The following EYS variants were observed in gnomAD, a reference collection of about 807,000 sequenced individuals.
EYS encodes the protein protein eyes shut homolog.
A neutral mutation model predicts 282.1 loss-of-function variants in EYS; 250 were observed. The ratio of observed to expected loss-of-function variants is 0.89; its 90% CI spans 0.80 to 0.98. EYS has a LOEUF of 0.98. Ranked by LOEUF, EYS falls within the 50% of genes least tolerant of loss-of-function variation. EYS has a pLI of 0.00. For synonymous variants in EYS, 1,355 were observed against 1,282.9 expected (o/e 1.06, Z -1.20); for missense variants, 4,016 against 3,709.0 (o/e 1.08, Z -2.15).
intron 22 of EYS, among the ~76,000 whole-genome samples, chr6:64,686,460 G>T (rs1042442671): frequency 6.6e-6 from 1 of 151,464 alleles, no homozygotes; most frequent in Non-Finnish European, 1.5e-5. Flanking sequence ...GATTATAATA[G>T]GGTGAGCGCG....
intron 22 of EYS, among the ~76,000 whole-genome samples, chr6:64,682,005 ACACAGATAAGCCTCTCTGGG>A (rs1381103378): frequency 3.3e-5 from 5 of 152,180 alleles, no homozygotes; most frequent in African/African-American, 9.7e-5. Context: ...AAATGATAGA[ACACAGATAAGCCTCTCTGGG>A]CACAGAGGAG....
chr6:64,805,308 T>A (rs1764391058), intron 22 of EYS, among the ~76,000 whole-genome samples: 1 of 151,994 alleles, frequency 6.6e-6, no homozygotes, highest in Non-Finnish European at 1.5e-5. Context: ...AAACACTATT[T>A]GTGTTTGATA....
intron 31 of EYS, among the ~76,000 whole-genome samples, chr6:64,141,399 C>G (rs933206099): frequency 3.3e-5 from 5 of 152,168 alleles, no homozygotes; most frequent in African/African-American, 1.2e-4. Context: ...CTCAGAAGCT[C>G]TGAGTTAAAT....
At chr6:64,880,437 AGTTAGTAAG>A (rs1214765401) in intron 19 of EYS, among the ~76,000 whole-genome samples, 1 of 151,838 alleles carries the variant, frequency 6.6e-6, no homozygotes, top group Non-Finnish European at 1.5e-5. Context: ...TGTAAATATC[AGTTAGTAAG>A]GAACTATTTC....
At chr6:64,812,932 G>A (rs1054420148) in intron 22 of EYS, among the ~76,000 whole-genome samples, 7 of 151,932 alleles carry the variant, frequency 4.6e-5, no homozygotes, top group African/African-American at 1.7e-4. Context: ...GTGATTGATA[G>A]AATAATTTGC....
chr6:65,008,504 G>C, intron 13 of EYS, among the ~76,000 whole-genome samples: 1 of 152,168 alleles, frequency 6.6e-6, no homozygotes, highest in Non-Finnish European at 1.5e-5. Flanking sequence ...CCTCAGGCAA[G>C]CGGACTTCGG....
intron 22 of EYS, among the ~76,000 whole-genome samples, chr6:64,709,313 C>T (rs905286313): frequency 6.6e-6 from 1 of 152,092 alleles, no homozygotes; most frequent in Non-Finnish European, 1.5e-5. Flanking sequence ...TCAAACACTG[C>T]ATAGGGCATT....
At chr6:65,366,263 T>C (rs957580596) in intron 8 of EYS, among the ~76,000 whole-genome samples, 3 of 151,720 alleles carry the variant, frequency 2.0e-5, no homozygotes, top group South Asian at 2.1e-4. Flanking sequence ...CACTAAGCAG[T>C]TGACAAATGG....
chr6:63,885,072 G>T (rs566840907), intron 35 of EYS, among the ~76,000 whole-genome samples: 2 of 152,086 alleles, frequency 1.3e-5, no homozygotes, highest in African/African-American at 2.4e-5. Flanking sequence ...TGAAGTGCAG[G>T]TTCTAAATGG....
chr6:64,351,815 T>A (rs148539110), intron 29 of EYS, among the ~76,000 whole-genome samples: 3 of 151,554 alleles, frequency 2.0e-5, no homozygotes, highest in African/African-American at 7.3e-5. Flanking sequence ...AATGGGCATA[T>A]ATATGACATA....
In EYS at chr6:65,282,550, T is replaced by A. The variant is rs568076446; in HGVS notation, c.2023+13313A>T. ...ATGTTATTGTGTGCAATGCTGATTT[T>A]CAAATTTTACTACATGATTATAGAA... On this transcript the variant is annotated intron_variant, in intron 12 of 42. Transcript: ENST00000503581. Among the ~76,000 whole-genome samples the A allele has an allele frequency of 9.2e-5, 14 of 152,146 alleles. No individual in the cohort carries two copies. The South Asian group carries it at 2.9e-3, about 32-fold the overall frequency.
chr6:65,481,266 G>GA (rs1243608597), intron 5 of EYS, among the ~76,000 whole-genome samples: 2 of 151,576 alleles, frequency 1.3e-5, no homozygotes, highest in South Asian at 2.1e-4. Context: ...AAAGCAAAAG[G>GA]AAAAAATAAG....
chr6:64,484,606 G>A (rs552730050), intron 26 of EYS, among the ~76,000 whole-genome samples: 14 of 151,754 alleles, frequency 9.2e-5, no homozygotes, highest in African/African-American at 3.4e-4. Flanking sequence ...TTAAGCATTT[G>A]TGAGTAGCAT....
At chr6:64,000,862 T>TTCTG (rs1464265662) in intron 33 of EYS, among the ~76,000 whole-genome samples, 1 of 152,140 alleles carries the variant, frequency 6.6e-6, no homozygotes, top group Non-Finnish European at 1.5e-5. Context: ...AATTCTTGAA[T>TTCTG]TCTGGCCAGG....
chr6:64,580,588 A>C (rs1467353224), intron 26 of EYS, among the ~76,000 whole-genome samples: 1 of 152,212 alleles, frequency 6.6e-6, no homozygotes, highest in Non-Finnish European at 1.5e-5. Flanking sequence ...GATGCAATCA[A>C]GGTTGAATAT....
At chr6:64,282,331 A>G (rs1768338161) in intron 30 of EYS, among the ~76,000 whole-genome samples, 1 of 152,134 alleles carries the variant, frequency 6.6e-6, no homozygotes, top group African/African-American at 2.4e-5. Context: ...TCTTTGTCTG[A>G]TGCTTCCAAA....
At chr6:65,497,698 C>G (rs1266931944) in intron 2 of EYS, among the ~76,000 whole-genome samples, 1 of 152,032 alleles carries the variant, frequency 6.6e-6, no homozygotes, top group Non-Finnish European at 1.5e-5. Context: ...CCTCACTTAA[C>G]TTTGTCCATA....
intron 35 of EYS, among the ~76,000 whole-genome samples, chr6:63,880,463 A>G (rs1004973501): frequency 1.1e-3 from 155 of 144,866 alleles, no homozygotes; most frequent in African/African-American, 3.6e-3. Flanking sequence ...ATCTCTGTCT[A>G]TCTGTCTGTC....
At chr6:63,723,126 T>C (rs1768470630) in intron 42 of EYS, among the ~76,000 whole-genome samples, 1 of 152,216 alleles carries the variant, frequency 6.6e-6, no homozygotes, top group Non-Finnish European at 1.5e-5. Context: ...AGAATATTTC[T>C]CAAATAATAG....
Sources: gnomAD v4.1 joint callset for allele counts (sites outside exome capture counted in the v4.1 genomes callset) on GRCh38, gnomAD v4.1.1 for gene constraint, MANE v1.5 for transcripts, NCBI Gene and HGNC (gene_info 2026-07-23, HGNC 2026-07-21) for gene names.